Variants in ADGRL4 observed in about 807,000 individuals in gnomAD.
ADGRL4 encodes the protein EGF, latrophilin and seven transmembrane domain containing 1.
Under a neutral mutation model 74.8 loss-of-function variants are expected in ADGRL4, and 90 were observed. The ratio of observed to expected loss-of-function variants is 1.20; its 90% CI spans 1.02 to 1.43. The LOEUF (loss-of-function observed/expected upper bound fraction) is 1.43. ADGRL4 is among the 40% of genes most tolerant of loss of function. The pLI, the probability that ADGRL4 is intolerant of heterozygous loss-of-function variation, is 0.00. For missense variants in ADGRL4, 881 were observed against 814.3 expected (o/e 1.08, Z -1.00); for synonymous variants, 311 against 279.2 (o/e 1.11, Z -1.14).
In ADGRL4 at chr1:78,891,734, T is replaced by C. The variant is rs772946920; in HGVS notation, c.1842-42A>G. ...ATGCGTCAGTGAAGAAAGCTACGTATAGTCAACATATCTCCCAAATTACTC... is the reference window on the plus strand; with the variant it reads ...ATGCGTCAGTGAAGAAAGCTACGTACAGTCAACATATCTCCCAAATTACTC... On this transcript the variant is annotated intron_variant, in intron 13 of 14. Transcript: ENST00000370742. 45 of 1,531,530 alleles carry C rather than the reference T, an allele frequency of 2.9e-5. 1 individual carries two copies. The South Asian group carries it at 3.1e-4, about 11-fold the overall frequency. The allele number at this position is 1,531,530 out of a possible 1,614,324, so 94.9% of individuals were successfully genotyped here. A position where few individuals can be genotyped will look rare whatever the true frequency, so the allele number is the denominator to read the frequency against.
At chr1:78,891,403 C>A in intron 14 of ADGRL4, 121 bp downstream of exon 14, 1 of 1,258,400 alleles carries the variant, frequency 7.9e-7, no homozygotes, top group Non-Finnish European at 1.1e-6. Flanking sequence ...CTATGAACAG[C>A]TAGGCGATTT....
At chr1:78,927,678 G>A (rs773822988) in intron 7 of ADGRL4, among the ~76,000 whole-genome samples, 3 of 152,002 alleles carry the variant, frequency 2.0e-5, no homozygotes, top group Non-Finnish European at 4.4e-5. Flanking sequence ...CCCAAATGCA[G>A]TGCACCAGCA....
intron 2 of ADGRL4, among the ~76,000 whole-genome samples, chr1:78,992,500 T>C (rs1650625622): frequency 6.6e-6 from 1 of 152,058 alleles, no homozygotes; most frequent in African/African-American, 2.4e-5. Context: ...ACATAAAATA[T>C]TGTCTATTAG....
chr1:78,995,381 T>A (rs1650692758), intron 2 of ADGRL4, among the ~76,000 whole-genome samples: 1 of 152,228 alleles, frequency 6.6e-6, no homozygotes, highest in South Asian at 2.1e-4. Flanking sequence ...TACTGATTTG[T>A]AGCACCAGCC....
chr1:78,972,898 G>C (rs2100718983), intron 2 of ADGRL4, among the ~76,000 whole-genome samples: 1 of 152,324 alleles, frequency 6.6e-6, no homozygotes, highest in African/African-American at 2.4e-5. Context: ...AAGTTTGGTT[G>C]AGGAATAAGG....
At chr1:78,933,198 G>A (rs1649281780) in intron 7 of ADGRL4, among the ~76,000 whole-genome samples, 1 of 151,318 alleles carries the variant, frequency 6.6e-6, no homozygotes, top group Non-Finnish European at 1.5e-5. Context: ...CTGGCAAAAT[G>A]AATCCAGCAG....
chr1:79,001,655 C>A (rs1288163465), intron 2 of ADGRL4, among the ~76,000 whole-genome samples: 1 of 152,038 alleles, frequency 6.6e-6, no homozygotes, highest in Non-Finnish European at 1.5e-5. Flanking sequence ...GGTGAGCAGA[C>A]TATTTAATCC....
intron 2 of ADGRL4, among the ~76,000 whole-genome samples, chr1:78,970,848 C>T (rs944171485): frequency 6.6e-6 from 1 of 152,094 alleles, no homozygotes; most frequent in East Asian, 1.9e-4. Context: ...GTTAATTTCC[C>T]AAGCTGTAAA....
At chr1:78,945,329 A>C (rs75419551) in intron 3 of ADGRL4, among the ~76,000 whole-genome samples, 1,952 of 151,892 alleles carry the variant, frequency 0.013, 42 homozygotes, top group African/African-American at 0.045. Context: ...CCTGAATTCT[A>C]GTCCCATGTC....
chr1:78,917,258 A>T (rs2100668486), intron 12 of ADGRL4, among the ~76,000 whole-genome samples: 1 of 151,964 alleles, frequency 6.6e-6, no homozygotes, highest in South Asian at 2.1e-4. Context: ...TGTGTGTTGA[A>T]GCATGCCGAG....
chr1:79,001,624 G>A (rs1285953087), intron 2 of ADGRL4, among the ~76,000 whole-genome samples: 1 of 152,060 alleles, frequency 6.6e-6, no homozygotes, highest in African/African-American at 2.4e-5. Context: ...CACTATCTCA[G>A]TGAATAAATA....
intron 12 of ADGRL4, among the ~76,000 whole-genome samples, chr1:78,903,423 A>G (rs891561793): frequency 6.6e-6 from 1 of 152,138 alleles, no homozygotes; most frequent in African/African-American, 2.4e-5. Context: ...CTGCAAGTTC[A>G]TGTAAAAAGT....
intron 3 of ADGRL4, among the ~76,000 whole-genome samples, 179 bp from the exon 4 acceptor site, chr1:78,939,437 G>C (rs1156503556): frequency 6.6e-6 from 1 of 151,848 alleles, no homozygotes; most frequent in East Asian, 1.9e-4. Context: ...AAATAAAAGG[G>C]TTTTAAGGGC....
chr1:78,977,669 T>C (rs774374614), intron 2 of ADGRL4, among the ~76,000 whole-genome samples: 12 of 151,882 alleles, frequency 7.9e-5, no homozygotes, highest in African/African-American at 1.2e-4. Flanking sequence ...TGTGTATGTG[T>C]AGTAGCAGTA....
chr1:78,931,656 A>C (rs143644659), intron 7 of ADGRL4, among the ~76,000 whole-genome samples: 1 of 151,356 alleles, frequency 6.6e-6, no homozygotes, highest in Non-Finnish European at 1.5e-5. Context: ...AAGAGTTGAG[A>C]CCCATCGGTG....
At position 78,891,125 on chromosome 1, in the gene ADGRL4, C is replaced by T; in HGVS notation, c.*29G>A. 1.2e-6 allele frequency: 2 copies of T among 1,603,736 alleles called. No homozygotes were observed. The highest frequency in any genetic ancestry group is 1.7e-6 in the Non-Finnish European group (2 of 1,171,902). ...ACAGCTTGGAATTTTTATTTTTGTG[C>T]AGTTGTAATTATCCACCATTCTCTA... On this transcript the variant is annotated 3_prime_UTR_variant, in exon 15 of 15. Coordinates refer to ENST00000370742, the MANE Select transcript of ADGRL4 (RefSeq NM_022159.4).
chr1:78,935,007 A>G (rs1187174940), intron 7 of ADGRL4, among the ~76,000 whole-genome samples: 1 of 152,200 alleles, frequency 6.6e-6, no homozygotes, highest in Non-Finnish European at 1.5e-5. Context: ...TTCCTCAAGG[A>G]TCTAGAACCA....
At chr1:78,900,883 CTATAAT>C (rs1349474885) in intron 12 of ADGRL4, among the ~76,000 whole-genome samples, 4 of 151,750 alleles carry the variant, frequency 2.6e-5, no homozygotes, top group Non-Finnish European at 5.9e-5. Context: ...ATGAAATACC[CTATAAT>C]TATAGTTTTT....
intron 12 of ADGRL4, among the ~76,000 whole-genome samples, chr1:78,911,729 C>A (rs1026158924): frequency 6.6e-6 from 1 of 151,604 alleles, no homozygotes; most frequent in Non-Finnish European, 1.5e-5. Flanking sequence ...AATTTTAATA[C>A]AAAAATGTAG....
Sources: allele counts gnomAD v4.1 joint callset (sites outside exome capture counted in the v4.1 genomes callset), GRCh38; gene constraint gnomAD v4.1.1; transcripts MANE v1.5; gene names NCBI Gene and HGNC (gene_info 2026-07-23, HGNC 2026-07-21).